Variants in ALS2CL observed in about 807,000 individuals in gnomAD.
The protein encoded by ALS2CL is ALS2 C-terminal like.
A neutral mutation model predicts 127.9 loss-of-function variants in ALS2CL; 112 were observed. The observed-to-expected ratio is 0.88, with a 90% CI of 0.75 to 1.02. The LOEUF (loss-of-function observed/expected upper bound fraction) is 1.02. Ranked by LOEUF, ALS2CL falls within the 50% of genes least tolerant of loss-of-function variation. ALS2CL has a pLI of 0.00. For missense variants in ALS2CL, 1,174 were observed against 1,236.7 expected (o/e 0.95, Z 0.76); for synonymous variants, 519 against 527.6 (o/e 0.98, Z 0.22).
At chr3:46,675,938 G>C in intron 19 of ALS2CL, 2 of 1,425,934 alleles carry the variant, frequency 1.4e-6, no homozygotes, top group Non-Finnish European at 1.8e-6. Context: ...GCCCAGCCTG[G>C]GACTGCAGGT....
intron 16 of ALS2CL, 119 bp from the exon 17 acceptor site, chr3:46,677,141 A>G (rs1698918144): frequency 2.0e-6 from 3 of 1,476,958 alleles, no homozygotes; most frequent in Non-Finnish European, 1.8e-6. Context: ...TCAAGCCCCA[A>G]GAAGGGTGGA....
rs13080080 is a variant in ALS2CL, at chr3:46,681,202, G to T, written c.1436+44C>A. On this transcript the variant is annotated intron_variant, in intron 13 of 25. Coordinates refer to ENST00000318962, the MANE Select transcript of ALS2CL (RefSeq NM_147129.5). The surrounding 1 kb of genome is among the most constrained non-coding windows in gnomAD (Gnocchi z 4.9). ...GCAACAATCTGGTCTGTGAGGGCCCGGTCCACCCCTCCGTCCTGGGAGTGG... is the reference window on the plus strand; with the variant it reads ...GCAACAATCTGGTCTGTGAGGGCCCTGTCCACCCCTCCGTCCTGGGAGTGG... 1,079,479 of 1,612,758 alleles carry T rather than the reference G, an allele frequency of 0.67. 362,528 individuals are homozygous for T. The highest frequency in any genetic ancestry group is 0.77 in the Admixed American group (45,979 of 59,982).
intron 1 of ALS2CL, among the ~76,000 whole-genome samples, chr3:46,692,729 G>A (rs1006921807): frequency 1.2e-4 from 18 of 152,204 alleles, no homozygotes; most frequent in Admixed American, 2.0e-4. Flanking sequence ...GGCCAGTCAC[G>A]GCGTGCCCAG....
At chr3:46,682,887 T>C (rs1699463035) in intron 10 of ALS2CL, among the ~76,000 whole-genome samples, 1 of 152,224 alleles carries the variant, frequency 6.6e-6, no homozygotes, top group Non-Finnish European at 1.5e-5. Context: ...CTGCAGGCTG[T>C]AAGGCCAGCG....
At chr3:46,679,352 G>A (rs1030477806) in intron 14 of ALS2CL, 65 bp from the exon 15 acceptor site, 43 of 1,366,882 alleles carry the variant, frequency 3.1e-5, no homozygotes, top group Non-Finnish European at 4.2e-5. Flanking sequence ...AACTCAGGGT[G>A]GAGAGAGATG....
chr3:46,681,661 C>T lies in ALS2CL; in HGVS notation c.1176-63G>A. On this transcript the variant is annotated intron_variant, in intron 11 of 25. Coordinates refer to ENST00000318962, the MANE Select transcript of ALS2CL (RefSeq NM_147129.5). This position sits in a 1 kb window ranked among gnomAD's most constrained non-coding sequence, Gnocchi z 4.9. ...CCTGAGACGCCCATTACACCTACTC[C>T]ATGCCACCCAGGAGTATCCCTGCCC... 1 of 1,524,256 alleles carries T rather than the reference C, an allele frequency of 6.6e-7. No individual in the cohort carries two copies. The highest frequency in any genetic ancestry group is 9.1e-7 in the Non-Finnish European group (1 of 1,103,350). The allele number at this position is 1,524,256 out of a possible 1,614,324, so 94.4% of individuals were successfully genotyped here.
At chr3:46,679,374 G>C in intron 14 of ALS2CL, 87 bp from the exon 15 acceptor site, 1 of 1,200,100 alleles carries the variant, frequency 8.3e-7, no homozygotes, top group Non-Finnish European at 1.2e-6. Context: ...CCAAAGAAGG[G>C]AGATGTGCCC....
rs1276199691 is a variant in ALS2CL at position 46,689,485 on chromosome 3, C to T, written c.-25-20G>A. 8 of 1,511,008 alleles carry T rather than the reference C, an allele frequency of 5.3e-6. No homozygotes were observed. Among genetic ancestry groups the T allele is most frequent in the East Asian group, 2.4e-5 (1 of 41,724 alleles). 93.6% of individuals were successfully genotyped at this position (1,511,008 alleles called of 1,614,324 possible). A position where few individuals can be genotyped will look rare whatever the true frequency, so the allele number is the denominator to read the frequency against. ...GGCCTCCTAGGTAGGGCACAGGTTA[C>T]AGCTAGATAGCACAGACAGGAGCAA... is the stretch of plus-strand genomic sequence containing the variant. On this transcript the variant is annotated intron_variant, in intron 1 of 25. Transcript: ENST00000318962.
rs757788316 is a variant in ALS2CL, at chr3:46,686,316, G to T, written c.658C>A (p.Arg220=). Reference sequence around the variant, plus strand: ...TCAGGCCCCCAACTCACCCTCAGCCGGCCTCTCAGGGTGTGCCAGAGAGCC... The same window carrying T: ...TCAGGCCCCCAACTCACCCTCAGCCTGCCTCTCAGGGTGTGCCAGAGAGCC... ...TQALWHTLRG[R]LRDVLCTPAH... is the part of the protein sequence containing the mutation. Residue 220 remains arginine (R), a synonymous_variant, in exon 6 of 26, where the codon CGG becomes AGG. Transcript: ENST00000318962. The surrounding 1 kb of genome is among the most constrained non-coding windows in gnomAD (Gnocchi z 4.3). 6.2e-7 allele frequency: 1 copy of T among 1,608,616 alleles called. No homozygotes were observed. The highest frequency in any genetic ancestry group is 1.7e-4 in the Middle Eastern group (1 of 6,028).
chr3:46,687,722 C>G, intron 3 of ALS2CL, 38 bp from the exon 4 acceptor site: 1 of 1,592,756 alleles, frequency 6.3e-7, no homozygotes, highest in African/African-American at 1.3e-5. Flanking sequence ...AAACCCAGTC[C>G]TCAGCCCCAG....
At chr3:46,685,417 C>T (rs1699685740) in intron 7 of ALS2CL, 108 bp downstream of exon 7, 2 of 1,528,038 alleles carry the variant, frequency 1.3e-6, no homozygotes, top group African/African-American at 2.7e-5. Context: ...ACCATCCCTC[C>T]CAGCCCACTT....
intron 1 of ALS2CL, among the ~76,000 whole-genome samples, chr3:46,692,927 TTC>T (rs1418443255): frequency 6.6e-6 from 1 of 152,206 alleles, no homozygotes; most frequent in Non-Finnish European, 1.5e-5. Context: ...ACTCTGGTAT[TTC>T]CTGGTCTGAA....
intron 4 of ALS2CL, 43 bp from the exon 5 acceptor site, chr3:46,687,191 C>T (rs766357476): frequency 3.4e-6 from 5 of 1,473,052 alleles, no homozygotes; most frequent in South Asian, 1.3e-5. Context: ...CCCCTTCCTC[C>T]ATTCCTGCAC....
rs1023647226 is a variant in ALS2CL, at chr3:46,670,467, G to A, written c.*517C>T. ...GCCGCCGTTTACGTCATGGGTACGT[G>A]GCCTGCAGTTCACGGATCTCCAGGC... is the stretch of plus-strand genomic sequence containing the variant. On this transcript the variant is annotated 3_prime_UTR_variant, in exon 26 of 26. Coordinates refer to ENST00000318962, the MANE Select transcript of ALS2CL (RefSeq NM_147129.5). This position sits in a 1 kb window ranked among gnomAD's most constrained non-coding sequence, Gnocchi z 5.5. 2 of 150,434 alleles carry A rather than the reference G, an allele frequency of 1.3e-5. No homozygotes were observed. Among genetic ancestry groups the A allele is most frequent in the Non-Finnish European group, 2.9e-5 (2 of 67,842 alleles). The allele number at this position is 150,434 out of a possible 1,614,324, so 9.3% of individuals were successfully genotyped here.
chr3:46,676,020 C>A (rs147461632), intron 19 of ALS2CL: 1 of 1,413,046 alleles, frequency 7.1e-7, no homozygotes, highest in Non-Finnish European at 9.2e-7. Context: ...GTCAGCCCAG[C>A]GCCTGGTTGG....
chr3:46,681,109 G>A lies in ALS2CL; in HGVS notation c.1436+137C>T, dbSNP rs774252633. 3.9e-5 allele frequency: 54 copies of A among 1,384,440 alleles called. No homozygotes were observed. The highest frequency in any genetic ancestry group is 6.9e-5 in the East Asian group (3 of 43,528). 85.8% of individuals were successfully genotyped at this position (1,384,440 alleles called of 1,614,324 possible). A position where few individuals can be genotyped will look rare whatever the true frequency, so the allele number is the denominator to read the frequency against. The stretch of plus-strand genomic sequence containing the variant: ...CTCAGCCTGAGCCTCCGCAGCAACC[G>A]AGGGACTGGAGGGGAAGTGAGGGGC... On this transcript the variant is annotated intron_variant, in intron 13 of 25. Transcript: ENST00000318962. This position sits in a 1 kb window ranked among gnomAD's most constrained non-coding sequence, Gnocchi z 4.9.
intron 10 of ALS2CL, 127 bp from the exon 11 acceptor site, chr3:46,682,221 C>G: frequency 1.0e-6 from 1 of 960,188 alleles, no homozygotes; most frequent in Non-Finnish European, 1.6e-6. Context: ...ACCCAGCCCT[C>G]TTGTCTGAGC....
At chr3:46,687,274 CCT>C (rs1699863538) in intron 4 of ALS2CL, 126 bp from the exon 5 acceptor site, 1 of 1,069,780 alleles carries the variant, frequency 9.3e-7, no homozygotes, top group Admixed American at 3.0e-5. Context: ...AAACCTCTAC[CCT>C]ATCAGATCAA....
intron 1 of ALS2CL, among the ~76,000 whole-genome samples, chr3:46,691,093 G>A (rs1462372919): frequency 6.6e-6 from 1 of 152,192 alleles, no homozygotes; most frequent in Non-Finnish European, 1.5e-5. Flanking sequence ...CCCTGAGGCA[G>A]ACCCAGGCCC....
Sources: gnomAD v4.1 joint callset for allele counts (sites outside exome capture counted in the v4.1 genomes callset) on GRCh38, gnomAD v4.1.1 for gene constraint, Gnocchi (gnomAD v3.1) non-coding constraint, MANE v1.5 for transcripts, NCBI Gene and HGNC (gene_info 2026-07-23, HGNC 2026-07-21) for gene names.